Variants in EYA2 observed in about 807,000 individuals in gnomAD.
EYA2 encodes protein phosphatase EYA2.
In EYA2, 31 loss-of-function variants were observed where a neutral mutation model predicts 69.2. The observed-to-expected ratio is 0.45, with a 90% CI of 0.34 to 0.60. The LOEUF (loss-of-function observed/expected upper bound fraction) is 0.60. Ranked by LOEUF, EYA2 falls within the 20% of genes least tolerant of loss-of-function variation. The pLI, the probability that EYA2 is intolerant of heterozygous loss-of-function variation, is 0.02. For synonymous variants in EYA2, 257 were observed against 279.4 expected, an observed-to-expected ratio of 0.92 and a Z score of 0.80; for missense variants, 622 against 701.2, an observed-to-expected ratio of 0.89 and a Z score of 1.28.
At chr20:46,976,206 T>A (rs1293721682) in intron 1 of EYA2, among the ~76,000 whole-genome samples, 1 of 151,964 alleles carries the variant, frequency 6.6e-6, no homozygotes, top group African/African-American at 2.4e-5. Flanking sequence ...CACAAAAAAA[T>A]AAAAATGAAA....
intron 1 of EYA2, among the ~76,000 whole-genome samples, chr20:46,963,207 A>G (rs1170861950): frequency 6.6e-6 from 1 of 152,046 alleles, no homozygotes; most frequent in Non-Finnish European, 1.5e-5. Flanking sequence ...CTCCCAAATA[A>G]ACTGCTTGCC....
At chr20:47,118,704 C>A (rs1335282458) in intron 9 of EYA2, among the ~76,000 whole-genome samples, 3 of 152,176 alleles carry the variant, frequency 2.0e-5, no homozygotes, top group Admixed American at 1.3e-4. Context: ...TTCTTTGAAG[C>A]CCTGTGCTCT....
At position 47,143,073 on chromosome 20, in the gene EYA2, C is replaced by G. The variant is rs779509858; in HGVS notation, c.903C>G (p.Ser301=). The G allele has an allele frequency of 5.0e-6, 8 of 1,613,634 alleles. No homozygotes were observed. In the East Asian group the frequency reaches 1.6e-4, roughly 31 times the overall value. ...CTGCCTCGCAGGACACCACGACGTC[C>G]GTGCGCATTGGCCTTATGATGGAAG... ...ASRYGKDTTT[S]VRIGLMMEEM... Residue 301 remains serine, a synonymous_variant, in exon 10 of 16, where the codon TCC becomes TCG. Transcript: ENST00000327619.
chr20:47,142,414 G>A (rs1415059555), intron 9 of EYA2, among the ~76,000 whole-genome samples: 1 of 152,242 alleles, frequency 6.6e-6, no homozygotes, highest in Non-Finnish European at 1.5e-5. Context: ...TTGTTACTTA[G>A]TACTGTATCT....
chr20:47,081,540 A>T (rs1379885332), intron 7 of EYA2, among the ~76,000 whole-genome samples: 2 of 152,052 alleles, frequency 1.3e-5, no homozygotes, highest in Non-Finnish European at 2.9e-5. Flanking sequence ...GCATTTTGGG[A>T]GGCACAGGCA....
At chr20:46,928,205 A>C (rs1459403687) in intron 1 of EYA2, among the ~76,000 whole-genome samples, 1 of 152,144 alleles carries the variant, frequency 6.6e-6, no homozygotes, top group Non-Finnish European at 1.5e-5. Flanking sequence ...GCTTTTACTG[A>C]CTTCATCACT....
chr20:46,928,349 C>T (rs1985504678), intron 1 of EYA2, among the ~76,000 whole-genome samples: 2 of 152,174 alleles, frequency 1.3e-5, no homozygotes, highest in South Asian at 2.1e-4. Flanking sequence ...GCTTCGTGAA[C>T]CTTATTTTCC....
intron 5 of EYA2, among the ~76,000 whole-genome samples, chr20:47,030,861 A>T (rs1984371583): frequency 6.6e-6 from 1 of 152,164 alleles, no homozygotes; most frequent in South Asian, 2.1e-4. Context: ...GACTCAAGCG[A>T]TCCTCTCGTC....
chr20:47,065,175 G>A (rs948634276), intron 5 of EYA2, among the ~76,000 whole-genome samples: 13 of 152,102 alleles, frequency 8.5e-5, no homozygotes, highest in Admixed American at 5.9e-4. Context: ...CCCATGACAC[G>A]TGGGAATTAT....
At chr20:46,972,810 C>T (rs1447615229) in intron 1 of EYA2, among the ~76,000 whole-genome samples, 1 of 152,218 alleles carries the variant, frequency 6.6e-6, no homozygotes, top group Admixed American at 6.5e-5. Context: ...CTGCCTACCT[C>T]ACAGTCTGGT....
intron 1 of EYA2, among the ~76,000 whole-genome samples, chr20:46,906,841 CACTT>C (rs1408426198): frequency 1.3e-5 from 2 of 152,192 alleles, no homozygotes; most frequent in African/African-American, 2.4e-5. Context: ...CTTTGACCCT[CACTT>C]ACTTGCACAA....
At chr20:47,103,622 G>A (rs1270795164) in intron 9 of EYA2, among the ~76,000 whole-genome samples, 1 of 152,132 alleles carries the variant, frequency 6.6e-6, no homozygotes, top group African/African-American at 2.4e-5. Context: ...CAGAGTGTAG[G>A]GGGAAGAGCC....
intron 1 of EYA2, among the ~76,000 whole-genome samples, chr20:46,935,304 T>C (rs1262080382): frequency 6.6e-6 from 1 of 152,216 alleles, no homozygotes; most frequent in African/African-American, 2.4e-5. Context: ...ATTTGAATCC[T>C]TGCTGTCCCA....
chr20:47,026,316 AT>A (rs1984079984), intron 5 of EYA2, among the ~76,000 whole-genome samples: 1 of 152,242 alleles, frequency 6.6e-6, no homozygotes, highest in Admixed American at 6.5e-5. Context: ...AACCATAAAA[AT>A]ACTAGAACGA....
intron 8 of EYA2, among the ~76,000 whole-genome samples, chr20:47,095,230 T>C (rs2032213630): frequency 6.6e-6 from 1 of 152,012 alleles, no homozygotes; most frequent in Admixed American, 6.6e-5. Flanking sequence ...TTTTAATTAC[T>C]GCAAAAATCA....
Position 47,172,700 on chromosome 20 carries a change from TC to T in EYA2, c.1038-5del, listed in dbSNP as rs763361523. Reference sequence around the variant, plus strand: ...CTAACACTGTCCCTCCCCTCCTCTCTCCGCAGCACATACAACTTCTCCGCTG... The same window carrying T: ...CTAACACTGTCCCTCCCCTCCTCTCTCGCAGCACATACAACTTCTCCGCTG... On this transcript the variant is annotated splice_polypyrimidine_tract_variant and splice_region_variant and intron_variant, in intron 11 of 15. Transcript: ENST00000327619. 6.2e-7 allele frequency: 1 copy of T among 1,605,334 alleles called. No homozygotes were observed. The highest frequency in any genetic ancestry group is 8.5e-7 in the Non-Finnish European group (1 of 1,175,636).
chr20:47,089,170 G>A, intron 7 of EYA2, 69 bp from the exon 8 acceptor site: 2 of 1,574,194 alleles, frequency 1.3e-6, no homozygotes, highest in South Asian at 1.2e-5. Flanking sequence ...CGGTGCTGTT[G>A]GGATATTTCC....
chr20:47,080,931 G>A (rs557188202), intron 7 of EYA2, among the ~76,000 whole-genome samples: 6 of 152,176 alleles, frequency 3.9e-5, no homozygotes, highest in Admixed American at 6.5e-5. Context: ...GCAGTGGTAC[G>A]ATCATAGTTC....
chr20:47,099,862 C>T (rs1462844480), intron 9 of EYA2, among the ~76,000 whole-genome samples: 1 of 152,084 alleles, frequency 6.6e-6, no homozygotes, highest in Non-Finnish European at 1.5e-5. Flanking sequence ...CTATAAGCAC[C>T]ATAAGGGCAG....
Sources: gnomAD v4.1 joint callset for allele counts (sites outside exome capture counted in the v4.1 genomes callset) on GRCh38, gnomAD v4.1.1 for gene constraint, MANE v1.5 for transcripts, NCBI Gene and HGNC (gene_info 2026-07-23, HGNC 2026-07-21) for gene names.